Variants in RNF13 observed in about 807,000 individuals in gnomAD.
RNF13 encodes E3 ubiquitin-protein ligase RNF13.
In RNF13, 19 loss-of-function variants were observed where a neutral mutation model predicts 37.7. The observed-to-expected ratio is 0.50, with a 90% CI of 0.35 to 0.74. The LOEUF (loss-of-function observed/expected upper bound fraction) is 0.74. RNF13 is among the 30% of genes least tolerant of loss of function. The pLI is 0.01. For synonymous variants in RNF13, 144 were observed against 157.8 expected, an observed-to-expected ratio of 0.91 and a Z score of 0.65; for missense variants, 375 against 453.0, an observed-to-expected ratio of 0.83 and a Z score of 1.56.
intron 8 of RNF13, among the ~76,000 whole-genome samples, chr3:149,921,996 C>T (rs563093972): frequency 1.3e-5 from 2 of 151,802 alleles, no homozygotes; most frequent in Admixed American, 6.6e-5. Context: ...TCTTTTGAGA[C>T]GGAGTCTCAC....
intron 3 of RNF13, among the ~76,000 whole-genome samples, chr3:149,861,658 G>A (rs2108416259): frequency 6.6e-6 from 1 of 152,212 alleles, no homozygotes; most frequent in South Asian, 2.1e-4. Context: ...GATGAAGAAA[G>A]GTTGGTCAGT....
chr3:149,896,483 A>T (rs990797953), intron 5 of RNF13, among the ~76,000 whole-genome samples: 48 of 143,166 alleles, frequency 3.4e-4, no homozygotes, highest in Non-Finnish European at 3.4e-4. Flanking sequence ...CTTCTTCTTT[A>T]TTTTTTTTTT....
At chr3:149,909,133 G>A (rs555295489) in intron 6 of RNF13, among the ~76,000 whole-genome samples, 10 of 152,310 alleles carry the variant, frequency 6.6e-5, no homozygotes, top group African/African-American at 2.2e-4. Context: ...AAATAGAAAT[G>A]GAGCCAGAGG....
At chr3:149,886,537 C>T (rs1037182337) in intron 4 of RNF13, among the ~76,000 whole-genome samples, 1 of 152,062 alleles carries the variant, frequency 6.6e-6, no homozygotes, top group Non-Finnish European at 1.5e-5. Context: ...ATCGAGATAT[C>T]ATTTGCACAT....
At chr3:149,915,299 C>T (rs769741748) in intron 7 of RNF13, among the ~76,000 whole-genome samples, 5 of 151,938 alleles carry the variant, frequency 3.3e-5, no homozygotes, top group African/African-American at 9.7e-5. Context: ...ACTTGGATAT[C>T]GATGTAAAAA....
At chr3:149,931,149 G>A (rs1356678014) in intron 8 of RNF13, among the ~76,000 whole-genome samples, 2 of 151,860 alleles carry the variant, frequency 1.3e-5, no homozygotes, top group Non-Finnish European at 2.9e-5. Flanking sequence ...CTGCAGCCTC[G>A]ACTTCCCAGG....
chr3:149,948,503 A>G (rs1436271936), intron 8 of RNF13, among the ~76,000 whole-genome samples: 1 of 151,992 alleles, frequency 6.6e-6, no homozygotes, highest in Admixed American at 6.6e-5. Context: ...TATATATTCT[A>G]CAGATATCTT....
At chr3:149,841,167 T>G (rs192197623) in intron 1 of RNF13, among the ~76,000 whole-genome samples, 25 of 152,354 alleles carry the variant, frequency 1.6e-4, no homozygotes, top group Non-Finnish European at 2.4e-4. Flanking sequence ...TAATATTGCC[T>G]AGTAATACAG....
chr3:149,856,339 A>G (rs73870453), intron 3 of RNF13, among the ~76,000 whole-genome samples: 4,032 of 152,284 alleles, frequency 0.026, 68 homozygotes, highest in South Asian at 0.036. Flanking sequence ...GAAGTGAGGT[A>G]GCTCACTATA....
chr3:149,820,516 A>G (rs906768235), intron 1 of RNF13, among the ~76,000 whole-genome samples: 10 of 152,300 alleles, frequency 6.6e-5, no homozygotes, highest in African/African-American at 2.2e-4. Context: ...ACCTCATTAA[A>G]TGTTGAAGAA....
At chr3:149,911,887 C>CTGTTT in intron 6 of RNF13, 91 bp from the exon 7 acceptor site, 1 of 731,334 alleles carries the variant, frequency 1.4e-6, no homozygotes, top group South Asian at 1.5e-5. Context: ...GTCTATATGT[C>CTGTTT]TGTTTTTAAA....
At chr3:149,854,566 T>C (rs80056164) in intron 3 of RNF13, among the ~76,000 whole-genome samples, 1,828 of 152,346 alleles carry the variant, frequency 0.012, 30 homozygotes, top group African/African-American at 0.041. Context: ...GATAAAGATG[T>C]TCAGAGTATC....
At chr3:149,905,813 A>G (rs149574246) in intron 6 of RNF13, among the ~76,000 whole-genome samples, 131 of 152,250 alleles carry the variant, frequency 8.6e-4, no homozygotes, top group African/African-American at 3.0e-3. Flanking sequence ...GAAATTTTTA[A>G]AACAATTTTA....
At chr3:149,940,682 T>G (rs1720158782) in intron 8 of RNF13, among the ~76,000 whole-genome samples, 1 of 152,136 alleles carries the variant, frequency 6.6e-6, no homozygotes, top group Admixed American at 6.5e-5. Context: ...TTTGCTTGCA[T>G]TTTTTATTGT....
chr3:149,961,200 CTT>C lies in RNF13; in HGVS notation c.*97_*98del. 1 of 1,141,788 alleles carries C rather than the reference CTT, an allele frequency of 8.8e-7. No individual in the cohort carries two copies. Among genetic ancestry groups the C allele is most frequent in the Non-Finnish European group, 1.2e-6 (1 of 802,052 alleles). 70.7% of individuals were successfully genotyped at this position (1,141,788 alleles called of 1,614,324 possible). On this transcript the variant is annotated 3_prime_UTR_variant, in exon 10 of 10. Transcript: ENST00000392894. ...CCTTCAAAGATTTCTGTAGAAATAA[CTT>C]ATTTTTTAGTATTCTACAGTTTAAT...
intron 1 of RNF13, among the ~76,000 whole-genome samples, chr3:149,820,977 T>A (rs1190358335): frequency 6.6e-6 from 1 of 152,212 alleles, no homozygotes; most frequent in African/African-American, 2.4e-5. Context: ...TATCAGTACT[T>A]CTTTCCTTTT....
intron 7 of RNF13, among the ~76,000 whole-genome samples, chr3:149,913,058 A>T (rs1717151640): frequency 6.6e-6 from 1 of 152,188 alleles, no homozygotes; most frequent in African/African-American, 2.4e-5. Flanking sequence ...ACATATTTTC[A>T]TATTCAGTAC....
At chr3:149,941,750 A>G (rs1720302062) in intron 8 of RNF13, among the ~76,000 whole-genome samples, 1 of 151,756 alleles carries the variant, frequency 6.6e-6, no homozygotes, top group Admixed American at 6.6e-5. Context: ...CACTTCCAAG[A>G]CATAATTCTC....
At chr3:149,867,100 T>C (rs543791796) in intron 3 of RNF13, among the ~76,000 whole-genome samples, 5 of 152,352 alleles carry the variant, frequency 3.3e-5, no homozygotes, top group East Asian at 3.9e-4. Flanking sequence ...AGTGGTATGC[T>C]AAAGTTCCCT....
Sources: gnomAD v4.1 joint callset for allele counts (sites outside exome capture counted in the v4.1 genomes callset) on GRCh38, gnomAD v4.1.1 for gene constraint, MANE v1.5 for transcripts, NCBI Gene and HGNC (gene_info 2026-07-23, HGNC 2026-07-21) for gene names.